The following STIM1 variants were observed in gnomAD, a reference collection of about 807,000 sequenced individuals.
STIM1 encodes stromal interaction molecule 1.
A neutral mutation model predicts 74.7 loss-of-function variants in STIM1; 25 were observed. That is an observed-to-expected ratio of 0.33 (90% CI 0.24 to 0.47). The LOEUF (loss-of-function observed/expected upper bound fraction) is 0.47. Among genes scored for constraint, STIM1 ranks in the 20% least tolerant of loss-of-function variants. The pLI is 1.00. For missense variants in STIM1, 728 were observed against 920.8 expected, an observed-to-expected ratio of 0.79 and a Z score of 2.71; for synonymous variants, 328 against 348.8, an observed-to-expected ratio of 0.94 and a Z score of 0.66.
intron 1 of STIM1, among the ~76,000 whole-genome samples, chr11:3,894,577 A>G (rs1398871778): frequency 6.6e-6 from 1 of 152,044 alleles, no homozygotes; most frequent in African/African-American, 2.4e-5. Flanking sequence ...GTTCTCTTTC[A>G]GTTGTCCAAA....
intron 1 of STIM1, among the ~76,000 whole-genome samples, chr11:3,937,180 A>T (rs1016505477): frequency 2.0e-5 from 3 of 151,982 alleles, no homozygotes; most frequent in East Asian, 1.9e-4. Flanking sequence ...AGTCCTAGCT[A>T]CTTGGAAGGC....
chr11:3,861,492 C>T (rs192327109), intron 1 of STIM1, among the ~76,000 whole-genome samples: 1 of 152,214 alleles, frequency 6.6e-6, no homozygotes, highest in Non-Finnish European at 1.5e-5. Flanking sequence ...CCTCGGCCTC[C>T]CAAAGTGTGG....
intron 1 of STIM1, among the ~76,000 whole-genome samples, chr11:3,879,330 C>G (rs2091415047): frequency 6.6e-6 from 1 of 152,192 alleles, no homozygotes; most frequent in Admixed American, 6.5e-5. Context: ...CCTGTTCATT[C>G]TTTTCTCTGT....
chr11:4,067,706 A>G, intron 5 of STIM1, among the ~76,000 whole-genome samples: 1 of 152,202 alleles, frequency 6.6e-6, no homozygotes, highest in East Asian at 1.9e-4. Flanking sequence ...CTTATGTAGT[A>G]GTTGTGAGGA....
intron 1 of STIM1, among the ~76,000 whole-genome samples, chr11:3,965,244 C>T (rs952630875): frequency 3.3e-5 from 5 of 152,252 alleles, no homozygotes; most frequent in African/African-American, 1.2e-4. Context: ...GCAACAGAGA[C>T]TATATGGCTG....
At chr11:4,036,767 A>G (rs2094106503) in intron 3 of STIM1, among the ~76,000 whole-genome samples, 1 of 152,172 alleles carries the variant, frequency 6.6e-6, no homozygotes, top group Non-Finnish European at 1.5e-5. Context: ...CCTTTGTCAG[A>G]TGGATAGATT....
intron 1 of STIM1, among the ~76,000 whole-genome samples, chr11:3,857,123 T>C (rs892217685): frequency 8.4e-5 from 12 of 143,312 alleles, no homozygotes; most frequent in East Asian, 6.5e-4. Flanking sequence ...TTTTTTTTTT[T>C]CCCTGAGTCT....
At chr11:3,959,802 TC>T (rs1293173210) in intron 1 of STIM1, among the ~76,000 whole-genome samples, 1 of 152,162 alleles carries the variant, frequency 6.6e-6, no homozygotes, top group Non-Finnish European at 1.5e-5. Flanking sequence ...CAAAGCCGTT[TC>T]ATAATAATAT....
Position 3,895,650 on chromosome 11 carries a change from CTTTCTTTCTTTCTTTCTTTCT to C in STIM1, c.139+39244_139+39264del, listed in dbSNP as rs2092058267. ...TCTTTCTTTCTTTCTTTCTTTCTTT[CTTTCTTTCTTTCTTTCTTTCT>C]TTCCTTCCTTCCTTCTTTCTTTCTT... On this transcript the variant is annotated intron_variant, in intron 1 of 12. Transcript: ENST00000526596. Among the ~76,000 whole-genome samples the C allele has an allele frequency of 2.5e-4, 3 of 11,836 alleles. 1 individual carries two copies. The highest frequency in any genetic ancestry group is 4.7e-4 in the African/African-American group (2 of 4,236). The allele number at this position is 11,836 out of a possible 152,430, so 7.8% of individuals were successfully genotyped here.
chr11:3,915,041 T>C (rs2092623013), intron 1 of STIM1, among the ~76,000 whole-genome samples: 1 of 152,206 alleles, frequency 6.6e-6, no homozygotes, highest in Admixed American at 6.5e-5. Context: ...CTCATGTGCT[T>C]ATTGGCCATT....
intron 4 of STIM1, among the ~76,000 whole-genome samples, chr11:4,057,406 T>C (rs1177340349): frequency 6.6e-6 from 1 of 152,128 alleles, no homozygotes; most frequent in Non-Finnish European, 1.5e-5. Context: ...GCAGGAAGCA[T>C]GGGGCCTTCA....
intron 8 of STIM1, 93 bp downstream of exon 8, chr11:4,082,444 TC>T: frequency 7.7e-7 from 1 of 1,304,574 alleles, no homozygotes; most frequent in Admixed American, 2.0e-5. Context: ...TCCCTGTTCC[TC>T]CCATTGGGTG....
chr11:4,056,291 T>A (rs1299492639), intron 4 of STIM1, among the ~76,000 whole-genome samples: 1 of 152,216 alleles, frequency 6.6e-6, no homozygotes, highest in African/African-American at 2.4e-5. Context: ...CTTTACACGC[T>A]GAATATGCTA....
intron 3 of STIM1, among the ~76,000 whole-genome samples, chr11:4,032,840 T>C (rs995416831): frequency 1.3e-5 from 2 of 152,226 alleles, no homozygotes; most frequent in Non-Finnish European, 2.9e-5. Context: ...ATGTAAATGG[T>C]ATTTTAAAAT....
At chr11:4,064,844 G>A (rs1208005455) in intron 5 of STIM1, among the ~76,000 whole-genome samples, 3 of 152,182 alleles carry the variant, frequency 2.0e-5, no homozygotes, top group Non-Finnish European at 4.4e-5. Context: ...GGGTTTACAG[G>A]CCCATCTAGG....
intron 1 of STIM1, among the ~76,000 whole-genome samples, chr11:3,887,201 T>C (rs554229566): frequency 2.0e-5 from 3 of 152,258 alleles, no homozygotes; most frequent in Admixed American, 2.0e-4. Context: ...GAGGGCAGCA[T>C]GCACTGGGTG....
intron 1 of STIM1, among the ~76,000 whole-genome samples, chr11:3,872,640 G>A (rs1236328690): frequency 1.3e-5 from 2 of 150,108 alleles, no homozygotes; most frequent in African/African-American, 4.9e-5. Flanking sequence ...TCCTGCCTCA[G>A]CCTCCCGAGT....
At chr11:4,069,024 T>C (rs2094386514) in intron 5 of STIM1, among the ~76,000 whole-genome samples, 1 of 152,152 alleles carries the variant, frequency 6.6e-6, no homozygotes, top group African/African-American at 2.4e-5. Flanking sequence ...AACTCCCTTT[T>C]TTCCCTCTTT....
At chr11:3,935,119 CT>C (rs1358945974) in intron 1 of STIM1, among the ~76,000 whole-genome samples, 1 of 152,246 alleles carries the variant, frequency 6.6e-6, no homozygotes, top group Non-Finnish European at 1.5e-5. Context: ...ATCAATTCAT[CT>C]TTTAAATTGG....
Sources: allele counts gnomAD v4.1 joint callset (sites outside exome capture counted in the v4.1 genomes callset), GRCh38; gene constraint gnomAD v4.1.1; transcripts MANE v1.5; gene names NCBI Gene and HGNC (gene_info 2026-07-23, HGNC 2026-07-21).